Variants in GALNTL5 observed in about 807,000 individuals in gnomAD.
GALNTL5 encodes the protein polypeptide N-acetylgalactosaminyltransferase like 5, also known as inactive polypeptide N-acetylgalactosaminyltransferase-like protein 5.
GALNTL5 carries 44 observed loss-of-function variants against 51.0 expected under a neutral mutation model. That is an observed-to-expected ratio of 0.86 (90% CI 0.68 to 1.11). GALNTL5 has a LOEUF of 1.11. Ranked by LOEUF, GALNTL5 falls within the 50% of genes least tolerant of loss-of-function variation. The pLI is 0.00. For missense variants in GALNTL5, 528 were observed against 531.8 expected (o/e 0.99, Z 0.07); for synonymous variants, 192 against 182.8 (o/e 1.05, Z -0.41).
rs550987811 is a variant in GALNTL5 at position 151,971,095 on chromosome 7, CTAGATAGA to C, written c.368+67_368+74del. 4.5e-6 allele frequency: 5 copies of C among 1,120,500 alleles called. No homozygotes were observed. The African/African-American group carries it at 6.4e-5, about 14-fold the overall frequency. The allele number at this position is 1,120,500 out of a possible 1,614,324, so 69.4% of individuals were successfully genotyped here. A position where few individuals can be genotyped will look rare whatever the true frequency, so the allele number is the denominator to read the frequency against. The stretch of plus-strand genomic sequence containing the variant: ...GTTGTCTCTCTCTTTCTCTCATTCT[CTAGATAGA>C]TAGATAGATAGATAGATAGATAGAT... On this transcript the variant is annotated intron_variant, in intron 3 of 8. Transcript: ENST00000392800.
At chr7:151,968,877 ATT>A (rs895627914) in intron 2 of GALNTL5, among the ~76,000 whole-genome samples, 2 of 152,168 alleles carry the variant, frequency 1.3e-5, no homozygotes, top group Non-Finnish European at 2.9e-5. Flanking sequence ...ATGACTAATG[ATT>A]TTGAGCACAT....
At chr7:151,971,347 C>G (rs1421599563) in intron 3 of GALNTL5, among the ~76,000 whole-genome samples, 2 of 152,086 alleles carry the variant, frequency 1.3e-5, no homozygotes, top group African/African-American at 4.8e-5. Flanking sequence ...ATTAAATCAC[C>G]AATAAGGGCT....
rs191964752 is a variant in GALNTL5, at chr7:151,973,743, G to A, written c.368+2678G>A. Among the ~76,000 whole-genome samples, 17 of 152,070 alleles carry A rather than the reference G, an allele frequency of 1.1e-4. No homozygotes were observed. The East Asian group carries it at 2.3e-3, about 21-fold the overall frequency. Reference sequence around the variant, plus strand: ...TACTTCGGGTGACTGTTGGGAAGGCGTGATTGGTTTTGAAATGTGAAATGA... The same window carrying A: ...TACTTCGGGTGACTGTTGGGAAGGCATGATTGGTTTTGAAATGTGAAATGA... On this transcript the variant is annotated intron_variant, in intron 3 of 8. Coordinates refer to ENST00000392800, the MANE Select transcript of GALNTL5 (RefSeq NM_145292.4).
chr7:152,007,848 A>G lies in GALNTL5; in HGVS notation c.930A>G (p.Gly310=), dbSNP rs535240215. Residue 310 remains glycine, a synonymous_variant, in exon 7 of 9, where the codon GGA becomes GGG. Coordinates refer to ENST00000392800, the MANE Select transcript of GALNTL5 (RefSeq NM_145292.4). ...CTAGGTCACCTGCAATGTCTGGAGGAATTTTTGCTATACGTCGGCATTATT... is the reference window on the plus strand; with the variant it reads ...CTAGGTCACCTGCAATGTCTGGAGGGATTTTTGCTATACGTCGGCATTATT... ...KPIRSPAMSG[G]IFAIRRHYFN... 1 of 1,608,920 alleles carries G rather than the reference A, an allele frequency of 6.2e-7. No homozygotes were observed.
intron 5 of GALNTL5, among the ~76,000 whole-genome samples, chr7:151,998,671 C>G (rs1317264678): frequency 6.6e-6 from 1 of 150,904 alleles, no homozygotes; most frequent in East Asian, 2.0e-4. Context: ...ACTTGGGAGG[C>G]TGAAGCAGGA....
At chr7:151,967,597 T>C (rs1177311610) in intron 2 of GALNTL5, 104 bp downstream of exon 2, 7 of 906,600 alleles carry the variant, frequency 7.7e-6, no homozygotes, top group Admixed American at 2.6e-5. Flanking sequence ...AGCAATTTAC[T>C]TTTTAAGATA....
At chr7:151,979,106 C>CCTTTT in intron 3 of GALNTL5, among the ~76,000 whole-genome samples, 1 of 71,162 alleles carries the variant, frequency 1.4e-5, no homozygotes, top group Non-Finnish European at 3.0e-5. Flanking sequence ...TACTTTTACT[C>CCTTTT]TTTTTTTTTT....
chr7:151,959,379 G>A (rs13221211), intron 1 of GALNTL5, among the ~76,000 whole-genome samples: 42,144 of 151,822 alleles, frequency 0.28, 6,672 homozygotes, highest in African/African-American at 0.4. Context: ...CTTTTCAGGC[G>A]TCCTAATTCG....
At chr7:152,008,095 T>A in intron 7 of GALNTL5, 151 bp downstream of exon 7, 1 of 561,224 alleles carries the variant, frequency 1.8e-6, no homozygotes, top group East Asian at 3.2e-5. Flanking sequence ...GGGCTCCTTG[T>A]AAAAATGGAA....
chr7:152,010,097 G>C (rs1241291792), intron 7 of GALNTL5, among the ~76,000 whole-genome samples: 1 of 151,956 alleles, frequency 6.6e-6, no homozygotes, highest in Admixed American at 6.5e-5. Context: ...AAATACAGTG[G>C]CACACAATAC....
intron 1 of GALNTL5, among the ~76,000 whole-genome samples, chr7:151,959,877 G>T (rs1430336415): frequency 6.6e-6 from 1 of 152,112 alleles, no homozygotes; most frequent in Non-Finnish European, 1.5e-5. Context: ...ATTTCTGTAG[G>T]CTCAGAGGGT....
At chr7:151,976,897 A>G (rs964093598) in intron 3 of GALNTL5, among the ~76,000 whole-genome samples, 1 of 151,896 alleles carries the variant, frequency 6.6e-6, no homozygotes, top group Non-Finnish European at 1.5e-5. Context: ...CGAACTCCTG[A>G]CCTCAGGTGA....
At chr7:152,010,396 C>G (rs62480049) in intron 7 of GALNTL5, among the ~76,000 whole-genome samples, 43,322 of 152,036 alleles carry the variant, frequency 0.28, 6,965 homozygotes, top group Non-Finnish European at 0.37. Flanking sequence ...CAGGCACAAG[C>G]CACCGCGTCC....
chr7:151,994,020 G>A (rs1443972177), intron 5 of GALNTL5, among the ~76,000 whole-genome samples: 1 of 152,180 alleles, frequency 6.6e-6, no homozygotes, highest in East Asian at 1.9e-4. Flanking sequence ...CTTTGATGAT[G>A]GAATTCGACT....
At chr7:152,009,524 T>C (rs57235822) in intron 7 of GALNTL5, among the ~76,000 whole-genome samples, 6,690 of 152,264 alleles carry the variant, frequency 0.044, 449 homozygotes, top group African/African-American at 0.15. Flanking sequence ...GACACAGGTG[T>C]CCCCAAGGTT....
Position 151,987,257 on chromosome 7 carries a change from C to T in GALNTL5, c.634C>T (p.Leu212=), listed in dbSNP as rs2081370265. The stretch of plus-strand genomic sequence containing the variant: ...GAGAGAGGGGCTGATTCGAGCAAGG[C>T]TGATTGGAGCTTCTCATGCTTCAGG... ...KKREGLIRAR[L]IGASHASGDV... Residue 212 remains leucine (L), a synonymous_variant, in exon 5 of 9, where the codon CTG becomes TTG. Transcript: ENST00000392800. 1.3e-6 allele frequency: 2 copies of T among 1,583,050 alleles called. No homozygotes were observed. The highest frequency in any genetic ancestry group is 1.7e-6 in the Non-Finnish European group (2 of 1,170,588).
intron 6 of GALNTL5, among the ~76,000 whole-genome samples, chr7:152,003,513 T>A (rs992039218): frequency 6.6e-6 from 1 of 152,212 alleles, no homozygotes; most frequent in African/African-American, 2.4e-5. Flanking sequence ...AACACATTTC[T>A]TAGGATCGTT....
At chr7:151,988,483 A>G (rs1228541886) in intron 5 of GALNTL5, among the ~76,000 whole-genome samples, 1 of 152,172 alleles carries the variant, frequency 6.6e-6, no homozygotes, top group Non-Finnish European at 1.5e-5. Context: ...AAGGAATGGA[A>G]GGACAAAAGA....
At chr7:152,018,692 T>C (rs2081850193) in intron 8 of GALNTL5, among the ~76,000 whole-genome samples, 1 of 152,146 alleles carries the variant, frequency 6.6e-6, no homozygotes, top group Non-Finnish European at 1.5e-5. Context: ...CATGCTGTCT[T>C]GTCTCCAAAA....
Sources: gnomAD v4.1 joint callset for allele counts (sites outside exome capture counted in the v4.1 genomes callset) on GRCh38, gnomAD v4.1.1 for gene constraint, MANE v1.5 for transcripts, NCBI Gene and HGNC (gene_info 2026-07-23, HGNC 2026-07-21) for gene names.